Variants in SLC25A26 observed in about 807,000 individuals in gnomAD.
SLC25A26 encodes solute carrier family 25 member 26, also known as mitochondrial S-adenosylmethionine carrier protein.
A neutral mutation model predicts 37.8 loss-of-function variants in SLC25A26; 36 were observed. That is an observed-to-expected ratio of 0.95 (90% CI 0.73 to 1.26). SLC25A26 has a LOEUF of 1.26. Among genes scored for constraint, SLC25A26 ranks in the 50% most tolerant of loss-of-function variants. SLC25A26 has a pLI of 0.00. For missense variants in SLC25A26, 390 were observed against 331.1 expected, an observed-to-expected ratio of 1.18 and a Z score of -1.38; for synonymous variants, 129 against 122.5, an observed-to-expected ratio of 1.05 and a Z score of -0.35.
intron 1 of SLC25A26, among the ~76,000 whole-genome samples, chr3:66,139,471 A>T (rs972155356): frequency 6.6e-6 from 1 of 152,228 alleles, no homozygotes; most frequent in Non-Finnish European, 1.5e-5. Flanking sequence ...ATCAGGAGAT[A>T]AAAATTTCTT....
chr3:66,303,518 G>A (rs2075133185), intron 5 of SLC25A26, among the ~76,000 whole-genome samples: 1 of 152,144 alleles, frequency 6.6e-6, no homozygotes, highest in African/African-American at 2.4e-5. Flanking sequence ...AAATATTGTA[G>A]GACTTCTGAA....
rs948777225 is a variant in SLC25A26 at position 66,273,493 on chromosome 3, T to C, written c.453+10114T>C. 6.6e-5 allele frequency among the ~76,000 whole-genome samples: 10 copies of C among 152,200 alleles called. No individual in the cohort carries two copies. The East Asian group carries it at 1.5e-3, about 24-fold the overall frequency. On this transcript the variant is annotated intron_variant, in intron 5 of 9. Coordinates refer to ENST00000354883, the MANE Select transcript of SLC25A26 (RefSeq NM_001379210.1). ...TGTTATTGGTCGACATGATTGTATA[T>C]CTAGAAAACCCCATTGTCTCAGCCC...
rs1332823307 is a variant in SLC25A26, at chr3:66,362,848, C to G, written c.499-12C>G. 3.8e-6 allele frequency: 6 copies of G among 1,578,130 alleles called. No homozygotes were observed. The highest frequency in any genetic ancestry group is 1.4e-5 in the African/African-American group (1 of 73,540). ...TTTAATAACTTGTATTTTTCTTTCT[C>G]CTTAAACACAGGCCCTCTGGTCCTG... On this transcript the variant is annotated splice_polypyrimidine_tract_variant and intron_variant, in intron 6 of 9. Coordinates refer to ENST00000354883, the MANE Select transcript of SLC25A26 (RefSeq NM_001379210.1).
intron 1 of SLC25A26, among the ~76,000 whole-genome samples, chr3:66,228,202 C>T (rs560234024): frequency 8.5e-5 from 13 of 152,348 alleles, no homozygotes; most frequent in African/African-American, 2.6e-4. Flanking sequence ...ACCAATCATG[C>T]AAGGACCACA....
At chr3:66,289,112 A>G (rs2074615283) in intron 5 of SLC25A26, among the ~76,000 whole-genome samples, 1 of 152,104 alleles carries the variant, frequency 6.6e-6, no homozygotes, top group South Asian at 2.1e-4. Context: ...TTTGTTGGCC[A>G]CATAAATGTC....
At position 66,262,166 on chromosome 3, in the gene SLC25A26, T is replaced by C. The variant is rs200331952; in HGVS notation, c.405+11T>C. ...ATCTTATATGAAGAGGTGAGATGGG[T>C]TTTTTAAGCTCTTCTTTTCTTTATT... On this transcript the variant is annotated intron_variant, in intron 4 of 9. Transcript: ENST00000354883. The C allele has an allele frequency of 3.5e-5, 47 of 1,329,348 alleles. No individual in the cohort carries two copies. Among genetic ancestry groups the C allele is most frequent in the Middle Eastern group, 3.6e-4 (2 of 5,510 alleles). 82.3% of individuals were successfully genotyped at this position (1,329,348 alleles called of 1,614,324 possible). A position where few individuals can be genotyped will look rare whatever the true frequency, so the allele number is the denominator to read the frequency against.
At chr3:66,143,174 A>G (rs1332909946) in intron 1 of SLC25A26, among the ~76,000 whole-genome samples, 7 of 152,232 alleles carry the variant, frequency 4.6e-5, no homozygotes, top group Admixed American at 4.6e-4. Context: ...TAAAAAAAAA[A>G]AAATTGCCAT....
chr3:66,253,184 G>A (rs1217442197), intron 3 of SLC25A26, among the ~76,000 whole-genome samples: 1 of 151,934 alleles, frequency 6.6e-6, no homozygotes, highest in African/African-American at 2.4e-5. Flanking sequence ...AAGGCGGGCG[G>A]ATCGTGAGGT....
chr3:66,365,019 T>A (rs752097292), intron 7 of SLC25A26, among the ~76,000 whole-genome samples: 1 of 152,244 alleles, frequency 6.6e-6, no homozygotes, highest in Non-Finnish European at 1.5e-5. Flanking sequence ...GGTTACTATT[T>A]TAAGGCATTT....
intron 5 of SLC25A26, among the ~76,000 whole-genome samples, chr3:66,297,763 T>C (rs1416474096): frequency 6.6e-6 from 1 of 152,220 alleles, no homozygotes; most frequent in Non-Finnish European, 1.5e-5. Flanking sequence ...ACAGAGACTG[T>C]ATGGACCATA....
chr3:66,331,103 A>C (rs1244012348), intron 5 of SLC25A26, among the ~76,000 whole-genome samples: 1 of 152,138 alleles, frequency 6.6e-6, no homozygotes, highest in African/African-American at 2.4e-5. Flanking sequence ...TTTTATATCT[A>C]TATATAACTC....
intron 5 of SLC25A26, among the ~76,000 whole-genome samples, chr3:66,285,845 C>G (rs2074495729): frequency 1.3e-5 from 2 of 152,064 alleles, no homozygotes; most frequent in African/African-American, 4.8e-5. Context: ...GAGCTAACCA[C>G]AGAAACAAGC....
chr3:66,292,460 G>A (rs913730747), intron 5 of SLC25A26, among the ~76,000 whole-genome samples: 1 of 152,126 alleles, frequency 6.6e-6, no homozygotes, highest in Non-Finnish European at 1.5e-5. Flanking sequence ...CATATTTAGT[G>A]CTTCCTTCAG....
At position 66,347,870 on chromosome 3, in the gene SLC25A26, C is replaced by T. The variant is rs564981095; in HGVS notation, c.498+1462C>T. On this transcript the variant is annotated intron_variant, in intron 6 of 9. Coordinates refer to ENST00000354883, the MANE Select transcript of SLC25A26 (RefSeq NM_001379210.1). ...AGCCATTATCCTCAGCAAACTAATGCAGGAACAGAAAAGCAAACACTGCAT... is the reference window on the plus strand; with the variant it reads ...AGCCATTATCCTCAGCAAACTAATGTAGGAACAGAAAAGCAAACACTGCAT... 3.9e-3 allele frequency among the ~76,000 whole-genome samples: 594 copies of T among 152,236 alleles called. 2 individuals are homozygous for T. Among genetic ancestry groups the T allele is most frequent in the Non-Finnish European group, 4.9e-3 (331 of 68,016 alleles).
chr3:66,209,682 T>C (rs1207899522), intron 1 of SLC25A26, among the ~76,000 whole-genome samples: 1 of 138,542 alleles, frequency 7.2e-6, no homozygotes, highest in Non-Finnish European at 1.5e-5. Flanking sequence ...ATTTTATAGG[T>C]ATATATAGGT....
At chr3:66,314,060 C>T (rs561435083) in intron 5 of SLC25A26, among the ~76,000 whole-genome samples, 3 of 152,270 alleles carry the variant, frequency 2.0e-5, no homozygotes, top group Admixed American at 6.5e-5. Context: ...ATCATGTCAT[C>T]TGCAAACAGA....
chr3:66,158,540 G>A (rs1277638981), intron 1 of SLC25A26, among the ~76,000 whole-genome samples: 3 of 152,090 alleles, frequency 2.0e-5, no homozygotes, highest in African/African-American at 4.8e-5. Context: ...CCTGTTTTCC[G>A]AAGTGGCTGC....
intron 5 of SLC25A26, among the ~76,000 whole-genome samples, chr3:66,284,511 G>A (rs1410752003): frequency 6.6e-6 from 1 of 152,082 alleles, no homozygotes; most frequent in African/African-American, 2.4e-5. Flanking sequence ...TGCACCAAGA[G>A]ACACATGCAA....
chr3:66,155,355 AT>A (rs1250241845), intron 1 of SLC25A26, among the ~76,000 whole-genome samples: 1 of 152,136 alleles, frequency 6.6e-6, no homozygotes, highest in African/African-American at 2.4e-5. Flanking sequence ...ACATAAAAAA[AT>A]AAAAAAATTA....
Sources: allele counts gnomAD v4.1 joint callset (sites outside exome capture counted in the v4.1 genomes callset), GRCh38; gene constraint gnomAD v4.1.1; transcripts MANE v1.5; gene names NCBI Gene and HGNC (gene_info 2026-07-23, HGNC 2026-07-21).